The following ELP1 variants were observed in gnomAD, a reference collection of about 807,000 sequenced individuals.
ELP1 encodes the protein elongator acetyltransferase complex subunit 1.
ELP1 carries 131 observed loss-of-function variants against 183.2 expected under a neutral mutation model. That is an observed-to-expected ratio of 0.72 (90% CI 0.62 to 0.83). The LOEUF (loss-of-function observed/expected upper bound fraction) is 0.83, where lower values mean the gene tolerates loss of function less well. Ranked by LOEUF, ELP1 falls within the 40% of genes least tolerant of loss-of-function variation. The pLI, the probability that ELP1 is intolerant of heterozygous loss-of-function variation, is 0.00. For missense variants in ELP1, 1,550 were observed against 1,594.9 expected (o/e 0.97, Z 0.48); for synonymous variants, 555 against 569.0 (o/e 0.98, Z 0.35).
At chr9:108,898,344 G>A (rs989341508) in intron 22 of ELP1, among the ~76,000 whole-genome samples, 158 bp downstream of exon 22, 7 of 152,006 alleles carry the variant, frequency 4.6e-5, no homozygotes, top group Non-Finnish European at 1.0e-4. Context: ...TAAAAAGAAC[G>A]GAAAAGAGCA....
intron 5 of ELP1, among the ~76,000 whole-genome samples, chr9:108,926,189 C>T (rs1310509449): frequency 6.6e-6 from 1 of 152,198 alleles, no homozygotes; most frequent in African/African-American, 2.4e-5. Context: ...AAAAACCAGC[C>T]TTCTATTCCA....
chr9:108,914,435 T>G (rs957082621), intron 10 of ELP1, among the ~76,000 whole-genome samples: 8 of 147,066 alleles, frequency 5.4e-5, no homozygotes, highest in Non-Finnish European at 8.9e-5. Context: ...TTCTACTGAT[T>G]AAAGAGTTTG....
chr9:108,880,377 G>A (rs565686965), intron 31 of ELP1, among the ~76,000 whole-genome samples: 4 of 151,884 alleles, frequency 2.6e-5, no homozygotes, highest in South Asian at 2.1e-4. Context: ...CAGAATATGC[G>A]CTACCACTGA....
chr9:108,920,432 C>T (rs1377135165), intron 6 of ELP1, among the ~76,000 whole-genome samples: 2 of 152,114 alleles, frequency 1.3e-5, no homozygotes, highest in Non-Finnish European at 2.9e-5. Context: ...CAGGCATCTG[C>T]CACCATGCCT....
chr9:108,881,851 C>G, intron 30 of ELP1, 86 bp from the exon 31 acceptor site: 1 of 843,996 alleles, frequency 1.2e-6, no homozygotes, highest in South Asian at 1.4e-5. Flanking sequence ...GGATTACTTT[C>G]AGAGGTAATC....
In ELP1 at chr9:108,916,247, C is replaced by T; in HGVS notation, c.915G>A (p.Leu305=). The T allele has an allele frequency of 6.2e-7, 1 of 1,614,146 alleles. No homozygotes were observed. The highest frequency in any genetic ancestry group is 8.5e-7 in the Non-Finnish European group (1 of 1,180,002). The change falls in exon 10 of 37, where the codon CTG becomes CTA. Residue 305 remains leucine, a synonymous_variant. Transcript: ENST00000374647. Reference sequence around the variant, plus strand: ...AGCTTTCTTCTCTCTGAAGGTCTTCCAGCCAGACTGCAAGCACAGAGGAAT... The same window carrying T: ...AGCTTTCTTCTCTCTGAAGGTCTTCTAGCCAGACTGCAAGCACAGAGGAAT... The part of the protein sequence containing the change: ...NADSSVLAVW[L]EDLQREESSI...
intron 19 of ELP1, 133 bp from the exon 20 acceptor site, chr9:108,900,028 T>C: frequency 1.2e-6 from 1 of 866,870 alleles, no homozygotes; most frequent in South Asian, 1.4e-5. Context: ...TAGCAGAATC[T>C]TGTTGTTCTC....
At chr9:108,884,549 C>A (rs1236492275) in intron 29 of ELP1, among the ~76,000 whole-genome samples, 1 of 151,868 alleles carries the variant, frequency 6.6e-6, no homozygotes, top group Non-Finnish European at 1.5e-5. Context: ...TCTCTAATCA[C>A]AACAAAATTA....
chr9:108,931,149 T>G lies in ELP1; in HGVS notation c.-3A>C. ...CGAAATAATTTCAGATTTCGCATGATGAAGTGATTCCCACGAGACAAGTAC... is the reference window on the plus strand; with the variant it reads ...CGAAATAATTTCAGATTTCGCATGAGGAAGTGATTCCCACGAGACAAGTAC... On this transcript the variant is annotated 5_prime_UTR_variant, in exon 2 of 37. Transcript: ENST00000374647. 1 of 1,614,032 alleles carries G rather than the reference T, an allele frequency of 6.2e-7. No homozygotes were observed. Among genetic ancestry groups the G allele is most frequent in the Non-Finnish European group, 8.5e-7 (1 of 1,179,882 alleles).
At chr9:108,903,375 C>CGTTA (rs1326927312) in intron 15 of ELP1, among the ~76,000 whole-genome samples, 188 bp downstream of exon 15, 1 of 152,056 alleles carries the variant, frequency 6.6e-6, no homozygotes, top group Non-Finnish European at 1.5e-5. Context: ...TTTAAGAGTA[C>CGTTA]GTTAGTTCAT....
chr9:108,897,008 T>C lies in ELP1; in HGVS notation c.2532A>G (p.Val844=), dbSNP rs1457261642. The C allele has an allele frequency of 3.7e-6, 6 of 1,614,164 alleles. No individual in the cohort carries two copies. The South Asian group carries it at 6.6e-5, about 18-fold the overall frequency. The change falls in exon 24 of 37, where the codon GTA becomes GTG. Residue 844 remains valine (V), a synonymous_variant. Transcript: ENST00000374647. ...TTTCCAGTTCTGGGGTTGTCTTCTTTACATGAGATGTAAGTATGGATAGGC... is the reference window on the plus strand; with the variant it reads ...TTTCCAGTTCTGGGGTTGTCTTCTTCACATGAGATGTAAGTATGGATAGGC... ...KYCLSILTSH[V]KKTTPELEIV...
intron 30 of ELP1, 61 bp downstream of exon 30, chr9:108,882,064 A>T: frequency 1.5e-6 from 2 of 1,368,568 alleles, no homozygotes; most frequent in Middle Eastern, 3.6e-4. Context: ...ACTGACCTGG[A>T]ATCCCTTGCT....
At chr9:108,890,561 C>T (rs1046980183) in intron 28 of ELP1, among the ~76,000 whole-genome samples, 6 of 152,194 alleles carry the variant, frequency 3.9e-5, no homozygotes, top group Non-Finnish European at 8.8e-5. Flanking sequence ...TTACCCTTTC[C>T]TCCACTCTGG....
At chr9:108,891,504 G>T (rs41278357) in intron 27 of ELP1, 100 bp from the exon 28 acceptor site, 2 of 1,070,496 alleles carry the variant, frequency 1.9e-6, no homozygotes, top group African/African-American at 1.6e-5. Flanking sequence ...GAACTCCCTT[G>T]AAAGAATTAC....
chr9:108,923,054 AC>A, intron 5 of ELP1, 127 bp from the exon 6 acceptor site: 1 of 764,356 alleles, frequency 1.3e-6, no homozygotes, highest in Non-Finnish European at 2.4e-6. Context: ...CAATAAATTG[AC>A]CAGCAGTCAA....
At chr9:108,918,579 G>A (rs909621403) in intron 8 of ELP1, among the ~76,000 whole-genome samples, 3 of 151,418 alleles carry the variant, frequency 2.0e-5, no homozygotes, top group African/African-American at 7.3e-5. Flanking sequence ...TGCGGCCTTG[G>A]AACAATGAAA....
At chr9:108,888,412 A>G (rs930564315) in intron 29 of ELP1, among the ~76,000 whole-genome samples, 1 of 152,242 alleles carries the variant, frequency 6.6e-6, no homozygotes, top group African/African-American at 2.4e-5. Flanking sequence ...TAAATTATAC[A>G]ACTGTACAAC....
chr9:108,922,336 C>G (rs1275001374), intron 6 of ELP1, among the ~76,000 whole-genome samples: 1 of 152,184 alleles, frequency 6.6e-6, no homozygotes, highest in African/African-American at 2.4e-5. Context: ...GCCCCGCCTA[C>G]ATTAGAAGAT....
intron 23 of ELP1, 26 bp downstream of exon 23, chr9:108,897,122 A>C (rs1828584730): frequency 5.0e-6 from 8 of 1,614,192 alleles, no homozygotes; most frequent in Non-Finnish European, 6.8e-6. Context: ...TTTTCAAAGG[A>C]TGCCACCTGG....
Sources: gnomAD v4.1 joint callset for allele counts (sites outside exome capture counted in the v4.1 genomes callset) on GRCh38, gnomAD v4.1.1 for gene constraint, MANE v1.5 for transcripts, NCBI Gene and HGNC (gene_info 2026-07-23, HGNC 2026-07-21) for gene names.